DST: variants seen among roughly 807,000 people sequenced by gnomAD.
The protein encoded by DST is dystonin.
In DST, 253 loss-of-function variants were observed where a neutral mutation model predicts 875.2. The ratio of observed to expected loss-of-function variants is 0.29; its 90% CI spans 0.26 to 0.32. DST has a LOEUF of 0.32. Ranked by LOEUF, DST falls within the 10% of genes least tolerant of loss-of-function variation. The pLI is 1.00. For synonymous variants in DST, 3,124 were observed against 3,197.1 expected, an observed-to-expected ratio of 0.98 and a Z score of 0.77; for missense variants, 8,287 against 9,111.6, an observed-to-expected ratio of 0.91 and a Z score of 3.68.
intron 5 of DST, among the ~76,000 whole-genome samples, chr6:56,725,180 C>T (rs1345878568): frequency 1.3e-5 from 2 of 152,182 alleles, no homozygotes; most frequent in East Asian, 1.9e-4. Context: ...TGCTTTTCCC[C>T]ACCACACTGT....
chr6:56,828,271 C>A (rs919810591), intron 4 of DST, among the ~76,000 whole-genome samples: 1 of 152,176 alleles, frequency 6.6e-6, no homozygotes. Context: ...TCATCCAACT[C>A]TTCAAGGTGG....
chr6:56,571,306 C>T (rs2097777870), intron 53 of DST, among the ~76,000 whole-genome samples: 1 of 152,136 alleles, frequency 6.6e-6, no homozygotes, highest in Non-Finnish European at 1.5e-5. Flanking sequence ...AAGAAACAAC[C>T]TAGAGATCAC....
At chr6:56,576,131 C>T (rs546806415) in intron 50 of DST, among the ~76,000 whole-genome samples, 8 of 152,258 alleles carry the variant, frequency 5.3e-5, no homozygotes, top group East Asian at 3.9e-4. Context: ...CAATAGGATT[C>T]GTCTGGGGAG....
chr6:56,744,267 T>C (rs955171061), intron 4 of DST, among the ~76,000 whole-genome samples: 10 of 151,666 alleles, frequency 6.6e-5, no homozygotes, highest in African/African-American at 2.4e-4. Context: ...GGAGCTGCAA[T>C]GCTTCACTAA....
chr6:56,894,383 G>A, intron 3 of DST, among the ~76,000 whole-genome samples: 2 of 98,378 alleles, frequency 2.0e-5, no homozygotes, highest in African/African-American at 5.6e-5. Context: ...CTCCCGGACG[G>A]GGCGGCTGGC....
intron 4 of DST, among the ~76,000 whole-genome samples, chr6:56,832,034 A>G (rs1282625545): frequency 6.6e-6 from 1 of 152,226 alleles, no homozygotes; most frequent in Non-Finnish European, 1.5e-5. Flanking sequence ...AAAGGGATAT[A>G]TAAGTACAGG....
intron 67 of DST, among the ~76,000 whole-genome samples, chr6:56,528,436 A>T (rs188033384): frequency 6.6e-6 from 1 of 152,340 alleles, no homozygotes; most frequent in African/African-American, 2.4e-5. Flanking sequence ...AGACATGAAG[A>T]AATGAAGCCC....
intron 4 of DST, among the ~76,000 whole-genome samples, chr6:56,781,369 C>A (rs1257912260): frequency 6.6e-6 from 1 of 152,178 alleles, no homozygotes; most frequent in Non-Finnish European, 1.5e-5. Context: ...GAATGTTCTT[C>A]CATTCGTTTG....
At chr6:56,878,566 G>A (rs1041582707) in intron 3 of DST, among the ~76,000 whole-genome samples, 7 of 152,194 alleles carry the variant, frequency 4.6e-5, no homozygotes, top group African/African-American at 1.7e-4. Context: ...AGCATCAGAA[G>A]CTCAGAGGAC....
chr6:56,897,011 TTG>T (rs1160841840), intron 3 of DST, among the ~76,000 whole-genome samples: 3 of 152,230 alleles, frequency 2.0e-5, no homozygotes, highest in African/African-American at 7.2e-5. Flanking sequence ...GCATTTGCTT[TTG>T]GGTTCTCAGT....
intron 10 of DST, 114 bp from the exon 11 acceptor site, chr6:56,651,358 G>C: frequency 1.8e-6 from 1 of 564,118 alleles, no homozygotes; most frequent in Non-Finnish European, 3.0e-6. Context: ...CACCAAGCCT[G>C]CGTTAAAATG....
chr6:56,472,078 G>C lies in DST; in HGVS notation c.22139C>G (p.Ala7380Gly), dbSNP rs773814855. ...ALERRRKLND[A>G]LDRLEELREF... is the part of the protein sequence containing the mutation. ...CCAAACCTCCTCTAGTCTGTCCAAG[G>C]CATCATTGAGTTTCCTCCTTCTTTC... The change falls in exon 94 of 104, where the codon GCC becomes GGC. Residue 7380 changes from alanine to glycine, a missense_variant. Physicochemically the swap from Ala to Gly is moderately conservative, Grantham distance 60. Around this residue, in one of 10 missense-constraint regions of DST, gnomAD observed 1,292 missense variants for 1,552.7 expected, o/e 0.83. Transcript: ENST00000680361. 6.2e-7 allele frequency: 1 copy of C among 1,613,894 alleles called. No individual in the cohort carries two copies. The highest frequency in any genetic ancestry group is 8.5e-7 in the Non-Finnish European group (1 of 1,179,818).
At chr6:56,774,823 T>C (rs2099674909) in intron 4 of DST, among the ~76,000 whole-genome samples, 1 of 151,752 alleles carries the variant, frequency 6.6e-6, no homozygotes, top group South Asian at 2.1e-4. Flanking sequence ...AGAAACCCCA[T>C]CTCTACTAAA....
chr6:56,549,960 A>G (rs2097293146), intron 61 of DST, among the ~76,000 whole-genome samples: 1 of 152,166 alleles, frequency 6.6e-6, no homozygotes, highest in Admixed American at 6.5e-5. Flanking sequence ...AACCTCCTTG[A>G]GCCTAGGCTT....
In DST at chr6:56,603,411, A is replaced by G. The variant is rs772241424; in HGVS notation, c.10951T>C (p.Leu3651=). ...ATAACAGCAATTGGAGCTAATCCCA[A>G]TTCAAATGTCTGCAAAGAAATATAT... ...NQLRQLETFE[L]GLAPIAVILR... is the part of the protein sequence containing the mutation. The change falls in exon 42 of 104, where the codon TTG becomes CTG. Residue 3651 remains leucine (L), a synonymous_variant. Coordinates refer to ENST00000680361, the MANE Select transcript of DST (RefSeq NM_001374736.1). 1.2e-6 allele frequency: 2 copies of G among 1,610,060 alleles called. No homozygotes were observed. The highest frequency in any genetic ancestry group is 8.5e-7 in the Non-Finnish European group (1 of 1,178,912).
intron 5 of DST, among the ~76,000 whole-genome samples, chr6:56,725,042 C>T (rs551046063): frequency 4.6e-5 from 7 of 152,056 alleles, no homozygotes; most frequent in Non-Finnish European, 7.4e-5. Context: ...GAATATAACC[C>T]AAATAAGAGG....
chr6:56,540,009 G>C (rs561955684), intron 61 of DST, among the ~76,000 whole-genome samples: 1 of 152,268 alleles, frequency 6.6e-6, no homozygotes, highest in South Asian at 2.1e-4. Context: ...CCTTCTAAAT[G>C]AAGGGGAATG....
chr6:56,497,389 T>G lies in DST; in HGVS notation c.20213A>C (p.Asn6738Thr), dbSNP rs368434678. ...AAATACTTTGCTTACCATATGGACATTAAGCTGCTCCTTGGCTGTTTCCGG... is the reference window on the plus strand; with the variant it reads ...AAATACTTTGCTTACCATATGGACAGTAAGCTGCTCCTTGGCTGTTTCCGG... The part of the protein sequence containing the change: ...GLPETAKEQL[N>T]VHMEVCAAFE... Residue 6738 changes from asparagine (N) to threonine (T), a missense_variant, in exon 82 of 104, where the codon AAT (asparagine) becomes ACT (threonine). By Grantham distance (65) the Asn-to-Thr change is moderately conservative. This residue lies in a region of DST where 1,292 missense variants were observed against 1,552.7 expected (regional missense o/e 0.83). Coordinates refer to ENST00000680361, the MANE Select transcript of DST (RefSeq NM_001374736.1). 8 of 1,612,954 alleles carry G rather than the reference T, an allele frequency of 5.0e-6. No individual in the cohort carries two copies. The African/African-American group carries it at 1.1e-4, about 22-fold the overall frequency.
intron 5 of DST, among the ~76,000 whole-genome samples, chr6:56,707,194 C>T (rs2099344628): frequency 6.6e-6 from 1 of 152,152 alleles, no homozygotes; most frequent in Non-Finnish European, 1.5e-5. Context: ...GTTGGGGACT[C>T]TTGTATTAGA....
Sources: allele counts gnomAD v4.1 joint callset (sites outside exome capture counted in the v4.1 genomes callset), GRCh38; gene constraint gnomAD v4.1.1; regional missense constraint gnomAD v4.1.1; transcripts MANE v1.5; gene names NCBI Gene and HGNC (gene_info 2026-07-23, HGNC 2026-07-21).